Variants in FOXK1 observed in about 807,000 individuals in gnomAD.
FOXK1 encodes forkhead box protein K1.
In FOXK1, 19 loss-of-function variants were observed where a neutral mutation model predicts 51.9. That is an observed-to-expected ratio of 0.37 (90% CI 0.26 to 0.54). The LOEUF is 0.54. Ranked by LOEUF, FOXK1 falls within the 20% of genes least tolerant of loss-of-function variation. The pLI is 0.87. For synonymous variants in FOXK1, 537 were observed against 482.6 expected, an observed-to-expected ratio of 1.11 and a Z score of -1.48; for missense variants, 870 against 1,032.7, an observed-to-expected ratio of 0.84 and a Z score of 2.16.
chr7:4,691,523 CG>C (rs1195088900), intron 1 of FOXK1, among the ~76,000 whole-genome samples: 9 of 151,806 alleles, frequency 5.9e-5, no homozygotes, highest in African/African-American at 2.2e-4. Flanking sequence ...TTAGTGGAGA[CG>C]GGGGTTTTAC....
chr7:4,757,008 C>T lies in FOXK1; in HGVS notation c.1065C>T (p.His355=). 6.2e-7 allele frequency: 1 copy of T among 1,613,730 alleles called. No individual in the cohort carries two copies. ...ADKGWQNSIR[H]NLSLNRYFIK... ...CTTCCCTGCAGAATTCTATCCGGCA[C>T]AACCTCTCTTTGAACCGTTACTTTA... The change falls in exon 5 of 9, where the codon CAC becomes CAT. Residue 355 remains histidine, a synonymous_variant. Transcript: ENST00000328914.
rs548269126 is a variant in FOXK1 at position 4,709,923 on chromosome 7, C to G, written c.560+27055C>G. ...TGACACGTTTGAACACGGAAGAACA[C>G]GGAAGCCTGTGTGTTAGGCGTTAAC... On this transcript the variant is annotated intron_variant, in intron 1 of 8. Coordinates refer to ENST00000328914, the MANE Select transcript of FOXK1 (RefSeq NM_001037165.2). The surrounding 1 kb of genome is among the most constrained non-coding windows in gnomAD (Gnocchi z 5.6). Among the ~76,000 whole-genome samples, 2 of 152,308 alleles carry G rather than the reference C, an allele frequency of 1.3e-5. No individual in the cohort carries two copies. The highest frequency in any genetic ancestry group is 4.1e-4 in the South Asian group (2 of 4,832).
At chr7:4,740,216 G>A (rs796213521) in intron 1 of FOXK1, among the ~76,000 whole-genome samples, 1 of 152,128 alleles carries the variant, frequency 6.6e-6, no homozygotes, top group African/African-American at 2.4e-5. Context: ...GGATTACGAG[G>A]TCAGGAGATC....
rs1165278365 is a variant in FOXK1, at chr7:4,703,955, G to A, written c.560+21087G>A. Among the ~76,000 whole-genome samples, 1 of 152,110 alleles carries A rather than the reference G, an allele frequency of 6.6e-6. No homozygotes were observed. The highest frequency in any genetic ancestry group is 2.4e-5 in the African/African-American group (1 of 41,418). On this transcript the variant is annotated intron_variant, in intron 1 of 8. Coordinates refer to ENST00000328914, the MANE Select transcript of FOXK1 (RefSeq NM_001037165.2). This position sits in a 1 kb window ranked among gnomAD's most constrained non-coding sequence, Gnocchi z 5.6. ...AACCAAACCTGGTGGGAAAAAATGC[G>A]TGTATACGTACCCCTACGTGTGGAA...
At position 4,707,527 on chromosome 7, in the gene FOXK1, TGCA is replaced by T. The variant is rs1435276131; in HGVS notation, c.560+24665_560+24667del. On this transcript the variant is annotated intron_variant, in intron 1 of 8. Coordinates refer to ENST00000328914, the MANE Select transcript of FOXK1 (RefSeq NM_001037165.2). This position sits in a 1 kb window ranked among gnomAD's most constrained non-coding sequence, Gnocchi z 4.1. ...AGATGTATTTAGCGACTCAAGTATC[TGCA>T]GCAGCGAGAGGGTGGGTGTGGGAGT... 6.6e-6 allele frequency among the ~76,000 whole-genome samples: 1 copy of T among 152,174 alleles called. No individual in the cohort carries two copies. Among genetic ancestry groups the T allele is most frequent in the African/African-American group, 2.4e-5 (1 of 41,436 alleles).
chr7:4,762,378 C>A lies in FOXK1; in HGVS notation c.2116C>A (p.Arg706=), dbSNP rs1421678329. The A allele has an allele frequency of 1.3e-6, 2 of 1,550,000 alleles. No individual in the cohort carries two copies. Among genetic ancestry groups the A allele is most frequent in the East Asian group, 2.4e-5 (1 of 40,936 alleles). ...TGGAGAGCCCGAGGTCAAAAGGTCC[C>A]GGGTGGAGGAGCCCAGTGGTGCTGT... is the stretch of plus-strand genomic sequence containing the variant. ...STGEPEVKRS[R]VEEPSGAVTT... Residue 706 remains arginine, a synonymous_variant, in exon 9 of 9, where the codon CGG becomes AGG. Coordinates refer to ENST00000328914, the MANE Select transcript of FOXK1 (RefSeq NM_001037165.2). This position sits in a 1 kb window ranked among gnomAD's most constrained non-coding sequence, Gnocchi z 5.7.
Position 4,749,414 on chromosome 7 carries a change from TGGAGCA to T in FOXK1, c.747-5042_747-5037del. Among the ~76,000 whole-genome samples, 1 of 152,296 alleles carries T rather than the reference TGGAGCA, an allele frequency of 6.6e-6. No individual in the cohort carries two copies. The highest frequency in any genetic ancestry group is 2.4e-5 in the African/African-American group (1 of 41,568). On this transcript the variant is annotated intron_variant, in intron 2 of 8. Coordinates refer to ENST00000328914, the MANE Select transcript of FOXK1 (RefSeq NM_001037165.2). This position sits in a 1 kb window ranked among gnomAD's most constrained non-coding sequence, Gnocchi z 6.0. Reference sequence around the variant, plus strand: ...AAAACCCTCTTAGAGCGGCTGGTATTGGAGCAGGGGCTGGGGCAGGGACCCCAAGCG... The same window carrying T: ...AAAACCCTCTTAGAGCGGCTGGTATTGGGGCTGGGGCAGGGACCCCAAGCG...
chr7:4,754,416 C>G, intron 2 of FOXK1, 43 bp from the exon 3 acceptor site: 1 of 1,596,048 alleles, frequency 6.3e-7, no homozygotes, highest in South Asian at 1.1e-5. Context: ...CAGGGGCCCC[C>G]TCTTCAGAGC....
intron 1 of FOXK1, among the ~76,000 whole-genome samples, chr7:4,736,537 C>A (rs959740882): frequency 6.6e-6 from 1 of 151,878 alleles, no homozygotes; most frequent in Non-Finnish European, 1.5e-5. Flanking sequence ...CTCAGCCTCC[C>A]GAGTAGCTGG....
At chr7:4,706,021 T>C (rs1429877529) in intron 1 of FOXK1, among the ~76,000 whole-genome samples, 2 of 108,214 alleles carry the variant, frequency 1.8e-5, no homozygotes, top group East Asian at 4.0e-4. Flanking sequence ...TACGTATATA[T>C]ACGTGTATAT....
chr7:4,688,800 G>T (rs1210869457), intron 1 of FOXK1, among the ~76,000 whole-genome samples: 1 of 151,898 alleles, frequency 6.6e-6, no homozygotes, highest in South Asian at 2.1e-4. Context: ...CCTGTAAACT[G>T]GTTACTAGAC....
In FOXK1 at chr7:4,729,727, C is replaced by T. The variant is rs567536038; in HGVS notation, c.561-11111C>T. 5.3e-5 allele frequency among the ~76,000 whole-genome samples: 8 copies of T among 152,310 alleles called. 1 individual carries two copies. The South Asian group carries it at 1.7e-3, about 32-fold the overall frequency. On this transcript the variant is annotated intron_variant, in intron 1 of 8. Coordinates refer to ENST00000328914, the MANE Select transcript of FOXK1 (RefSeq NM_001037165.2). This position sits in a 1 kb window ranked among gnomAD's most constrained non-coding sequence, Gnocchi z 6.2. ...AACCCTGGCCGGGTGCAGCAGCTCACGCCTGTAATCCCAGCACTTTGGGAG... is the reference window on the plus strand; with the variant it reads ...AACCCTGGCCGGGTGCAGCAGCTCATGCCTGTAATCCCAGCACTTTGGGAG...
Position 4,706,033 on chromosome 7 carries a change from C to CGTATATATAT in FOXK1, c.560+23167_560+23168insATATATATGT, listed in dbSNP as rs1562373208. On this transcript the variant is annotated intron_variant, in intron 1 of 8. Coordinates refer to ENST00000328914, the MANE Select transcript of FOXK1 (RefSeq NM_001037165.2). ...ATATACGTATATATACGTGTATATA[C>CGTATATATAT]GTGTATATACGTGTATATATGTATA... Among the ~76,000 whole-genome samples, 63 of 90,656 alleles carry CGTATATATAT rather than the reference C, an allele frequency of 6.9e-4. 6 individuals carry two copies. The African/African-American group carries it at 7.3e-3, about 11-fold the overall frequency. 59.5% of individuals were successfully genotyped at this position (90,656 alleles called of 152,430 possible). A position where few individuals can be genotyped will look rare whatever the true frequency, so the allele number is the denominator to read the frequency against.
At chr7:4,687,296 CGTTTTTGTTTTT>C (rs1779832836) in intron 1 of FOXK1, among the ~76,000 whole-genome samples, 2 of 150,056 alleles carry the variant, frequency 1.3e-5, no homozygotes, top group African/African-American at 2.5e-5. Context: ...TTTTCGTTTT[CGTTTTTGTTTTT>C]TTGCAACGGA....
In FOXK1 at chr7:4,759,608, C is replaced by T. The variant is rs751728155; in HGVS notation, c.1696+13C>T. The T allele has an allele frequency of 1.1e-5, 17 of 1,530,554 alleles. No individual in the cohort carries two copies. The highest frequency in any genetic ancestry group is 1.4e-5 in the Non-Finnish European group (16 of 1,143,342). 94.8% of individuals were successfully genotyped at this position (1,530,554 alleles called of 1,614,324 possible). ...AGCGAGGCCAGAGGTAATGCAGCCG[C>T]GGCTGGCAGCCTTCGCAGGACCCTT... On this transcript the variant is annotated intron_variant, in intron 7 of 8. Coordinates refer to ENST00000328914, the MANE Select transcript of FOXK1 (RefSeq NM_001037165.2).
chr7:4,697,818 A>T (rs1203534959), intron 1 of FOXK1, among the ~76,000 whole-genome samples: 1 of 135,462 alleles, frequency 7.4e-6, no homozygotes, highest in African/African-American at 2.8e-5. Flanking sequence ...TATAGTAACT[A>T]ATTTTTTTTT....
chr7:4,732,177 G>A (rs762614554), intron 1 of FOXK1, among the ~76,000 whole-genome samples: 5 of 152,210 alleles, frequency 3.3e-5, no homozygotes, highest in Admixed American at 6.5e-5. Flanking sequence ...TGTGTGACAC[G>A]CCCTGTGTGC....
At position 4,755,209 on chromosome 7, in the gene FOXK1, T is replaced by G. The variant is rs756596216; in HGVS notation, c.904-28T>G. The G allele has an allele frequency of 1.2e-6, 2 of 1,610,768 alleles. No individual in the cohort carries two copies. Among genetic ancestry groups the G allele is most frequent in the Admixed American group, 1.7e-5 (1 of 59,890 alleles). On this transcript the variant is annotated intron_variant, in intron 3 of 8. Transcript: ENST00000328914. The surrounding 1 kb of genome is among the most constrained non-coding windows in gnomAD (Gnocchi z 6.6). ...GTAGACTCAGGGACCTTGCTGGAGC[T>G]CATCCCGTGAGCCGTGTTTCTCCGC...
intron 5 of FOXK1, 115 bp downstream of exon 5, chr7:4,757,302 G>A (rs962363937): frequency 4.2e-6 from 4 of 944,064 alleles, no homozygotes; most frequent in East Asian, 2.5e-5. Context: ...CTCAGTGTAC[G>A]GGCATGCAAC....
Sources: allele counts gnomAD v4.1 joint callset (sites outside exome capture counted in the v4.1 genomes callset), GRCh38; gene constraint gnomAD v4.1.1; non-coding constraint Gnocchi (gnomAD v3.1); transcripts MANE v1.5; gene names NCBI Gene and HGNC (gene_info 2026-07-23, HGNC 2026-07-21).